FRK: variants seen among roughly 807,000 people sequenced by gnomAD.
The protein encoded by FRK is fyn related Src family tyrosine kinase, also known as tyrosine-protein kinase FRK.
In FRK, 51 loss-of-function variants were observed where a neutral mutation model predicts 56.4. That is an observed-to-expected ratio of 0.90 (90% CI 0.72 to 1.14). FRK has a LOEUF of 1.14. Ranked by LOEUF, FRK falls within the 50% of genes most tolerant of loss-of-function variation. The pLI is 0.00. For missense variants in FRK, 570 were observed against 601.4 expected (o/e 0.95, Z 0.55); for synonymous variants, 245 against 217.9 (o/e 1.12, Z -1.10).
chr6:115,966,614 A>G (rs1454984811), intron 4 of FRK, among the ~76,000 whole-genome samples: 1 of 152,144 alleles, frequency 6.6e-6, no homozygotes, highest in Non-Finnish European at 1.5e-5. Flanking sequence ...GGGCTAGGTA[A>G]ATAATGCAGG....
In FRK at chr6:116,039,478, A is replaced by C. The variant is rs1776628404; in HGVS notation, c.344+20490T>G. ...CCTCAAGCCCTAATTCGTGGACATC[A>C]TCAATGCCAAACAATGAGCCCCATC... is the stretch of plus-strand genomic sequence containing the variant. On this transcript the variant is annotated intron_variant, in intron 1 of 7. Coordinates refer to ENST00000606080, the MANE Select transcript of FRK (RefSeq NM_002031.3). The C allele has an allele frequency of 2.6e-6, 4 of 1,532,754 alleles. No homozygotes were observed. In the Admixed American group the frequency reaches 6.7e-5, roughly 26 times the overall value. The allele number at this position is 1,532,754 out of a possible 1,614,324, so 94.9% of individuals were successfully genotyped here.
chr6:116,054,930 C>A (rs1024931888), intron 1 of FRK, among the ~76,000 whole-genome samples: 1 of 151,774 alleles, frequency 6.6e-6, no homozygotes, highest in Non-Finnish European at 1.5e-5. Flanking sequence ...TGTTTCTATA[C>A]CTATAATTAA....
intron 1 of FRK, among the ~76,000 whole-genome samples, chr6:116,034,195 T>C (rs556537274): frequency 1.3e-5 from 2 of 152,210 alleles, no homozygotes; most frequent in African/African-American, 2.4e-5. Flanking sequence ...TAGTACAGCA[T>C]GATGTCTATA....
chr6:116,039,081 G>C (rs1244556619), intron 1 of FRK: 5 of 774,864 alleles, frequency 6.5e-6, no homozygotes, highest in Non-Finnish European at 1.2e-5. Flanking sequence ...AAGCTGATTG[G>C]GCAGAAAGTG....
chr6:116,026,706 A>C (rs1776108829), intron 1 of FRK, among the ~76,000 whole-genome samples: 1 of 152,084 alleles, frequency 6.6e-6, no homozygotes, highest in South Asian at 2.1e-4. Flanking sequence ...TCCAAGTTAG[A>C]GAGAGCTGGT....
In FRK at chr6:116,054,259, A is replaced by T. The variant is rs1484402208; in HGVS notation, c.344+5709T>A. 2.7e-5 allele frequency among the ~76,000 whole-genome samples: 4 copies of T among 150,630 alleles called. No individual in the cohort carries two copies. In the East Asian group the frequency reaches 7.7e-4, roughly 29 times the overall value. On this transcript the variant is annotated intron_variant, in intron 1 of 7. Coordinates refer to ENST00000606080, the MANE Select transcript of FRK (RefSeq NM_002031.3). ...CATCATAAATAACATATGGTGAAAA[A>T]TAAAGGATGGGGACAGTAACGCTAA...
chr6:115,962,406 G>C (rs1159924439), intron 4 of FRK, among the ~76,000 whole-genome samples: 4 of 145,714 alleles, frequency 2.7e-5, no homozygotes, highest in Admixed American at 2.7e-4. Flanking sequence ...CAAGTCCTGA[G>C]TGACCTACAA....
At chr6:116,000,788 A>T (rs948190375) in intron 2 of FRK, among the ~76,000 whole-genome samples, 4 of 152,224 alleles carry the variant, frequency 2.6e-5, no homozygotes, top group Non-Finnish European at 5.9e-5. Context: ...AAGGATGTCC[A>T]CTGTATCATA....
At chr6:116,022,332 T>C (rs1775902568) in intron 1 of FRK, among the ~76,000 whole-genome samples, 1 of 152,088 alleles carries the variant, frequency 6.6e-6, no homozygotes, top group Non-Finnish European at 1.5e-5. Context: ...GACACAAAGT[T>C]ACCCTGATAC....
At chr6:115,954,709 A>G (rs575358) in intron 5 of FRK, among the ~76,000 whole-genome samples, 283 of 152,166 alleles carry the variant, frequency 1.9e-3, no homozygotes, top group African/African-American at 6.5e-3. Context: ...ACAAACAATG[A>G]TTTTTTTCCT....
chr6:116,061,108 C>T (rs1777609108), upstream of FRK, among the ~76,000 whole-genome samples: 1 of 152,112 alleles, frequency 6.6e-6, no homozygotes. Context: ...CTGAAATTCA[C>T]GGCAGAGATT....
intron 5 of FRK, among the ~76,000 whole-genome samples, chr6:115,955,247 G>T (rs1281270616): frequency 6.6e-6 from 1 of 151,986 alleles, no homozygotes; most frequent in Non-Finnish European, 1.5e-5. Context: ...GCCATTGAGT[G>T]AAGTGTCCTG....
At chr6:116,097,274 A>G in the FRK span, among the ~76,000 whole-genome samples, 1 of 152,164 alleles carries the variant, frequency 6.6e-6, no homozygotes, top group Non-Finnish European at 1.5e-5. Flanking sequence ...TTAGAAATTC[A>G]TATTTTTCCT....
intron 1 of FRK, among the ~76,000 whole-genome samples, chr6:116,019,887 T>A (rs899416038): frequency 6.6e-6 from 1 of 152,194 alleles, no homozygotes; most frequent in Non-Finnish European, 1.5e-5. Flanking sequence ...AATAACAGAA[T>A]ATCTGTTTAT....
At chr6:115,971,137 G>A (rs1233832372) in intron 2 of FRK, among the ~76,000 whole-genome samples, 2 of 152,060 alleles carry the variant, frequency 1.3e-5, no homozygotes, top group African/African-American at 4.8e-5. Flanking sequence ...TCAGTGTTTT[G>A]CTTCTCTTTA....
At chr6:116,043,634 G>A (rs183915042) in intron 1 of FRK, among the ~76,000 whole-genome samples, 12 of 151,944 alleles carry the variant, frequency 7.9e-5, no homozygotes, top group Admixed American at 2.0e-4. Context: ...AGAAGGAAGC[G>A]GGAAAGATCT....
the FRK span, among the ~76,000 whole-genome samples, chr6:116,078,392 T>A: frequency 1.3e-5 from 2 of 152,110 alleles, no homozygotes; most frequent in African/African-American, 4.8e-5. Flanking sequence ...GGAAAATGAG[T>A]CTAACTAGCC....
intron 2 of FRK, among the ~76,000 whole-genome samples, chr6:115,983,254 T>C (rs1272919612): frequency 1.3e-5 from 2 of 152,098 alleles, no homozygotes; most frequent in Admixed American, 6.6e-5. Flanking sequence ...CAAATATCTA[T>C]GAGTGCTATG....
At chr6:116,073,513 C>T in the FRK span, among the ~76,000 whole-genome samples, 2 of 152,050 alleles carry the variant, frequency 1.3e-5, no homozygotes, top group Non-Finnish European at 2.9e-5. Context: ...AAACAAAATG[C>T]ATCAATATGT....
Sources: gnomAD v4.1 joint callset for allele counts (sites outside exome capture counted in the v4.1 genomes callset) on GRCh38, gnomAD v4.1.1 for gene constraint, MANE v1.5 for transcripts, NCBI Gene and HGNC (gene_info 2026-07-23, HGNC 2026-07-21) for gene names.